RANBP2: variants seen among roughly 807,000 people sequenced by gnomAD.
RANBP2 encodes the protein E3 SUMO-protein ligase RanBP2.
In RANBP2, 57 loss-of-function variants were observed where a neutral mutation model predicts 303.6. That is an observed-to-expected ratio of 0.19 (90% CI 0.15 to 0.23). RANBP2 has a LOEUF of 0.23. Ranked by LOEUF, RANBP2 falls within the 10% of genes least tolerant of loss-of-function variation. The pLI is 1.00. For missense variants in RANBP2, 3,138 were observed against 3,780.8 expected, an observed-to-expected ratio of 0.83 and a Z score of 4.46; for synonymous variants, 1,167 against 1,301.5, an observed-to-expected ratio of 0.90 and a Z score of 2.23.
the RANBP2 span, among the ~76,000 whole-genome samples, chr2:109,027,242 C>CAAAA: frequency 6.1e-5 from 5 of 81,492 alleles, no homozygotes; most frequent in Non-Finnish European, 1.2e-4. Flanking sequence ...GGCTCTGTCT[C>CAAAA]AAAAAAAAAA....
chr2:109,396,507 G>A, the RANBP2 span, among the ~76,000 whole-genome samples: 1 of 152,226 alleles, frequency 6.6e-6, no homozygotes, highest in Non-Finnish European at 1.5e-5. Context: ...GAGCAGCCCT[G>A]TGATGGGGCC....
chr2:109,603,270 T>TGTC, the RANBP2 span, among the ~76,000 whole-genome samples: 6 of 151,980 alleles, frequency 3.9e-5, no homozygotes, highest in African/African-American at 1.2e-4. Context: ...AGTCTCACTG[T>TGTC]GTCACCCAGG....
intron 1 of RANBP2, among the ~76,000 whole-genome samples, chr2:108,720,372 C>T (rs1363596237): frequency 1.3e-5 from 2 of 150,390 alleles, no homozygotes; most frequent in African/African-American, 4.9e-5. Flanking sequence ...AAAAAAAATT[C>T]TAAAGTTCTT....
At chr2:109,606,672 C>CTTTTTTTTTTTTTT in the RANBP2 span, among the ~76,000 whole-genome samples, 2 of 71,910 alleles carry the variant, frequency 2.8e-5, no homozygotes, top group Non-Finnish European at 4.8e-5. Context: ...AAATTTTAAG[C>CTTTTTTTTTTTTTT]TTTTTTTTTT....
chr2:109,544,014 C>T, the RANBP2 span: 2 of 748,360 alleles, frequency 2.7e-6, no homozygotes, highest in Admixed American at 3.0e-5. Context: ...GCAAAGGTGT[C>T]GGGTGGGGAA....
chr2:109,335,728 A>C, the RANBP2 span, among the ~76,000 whole-genome samples: 2 of 152,208 alleles, frequency 1.3e-5, no homozygotes, highest in Non-Finnish European at 2.9e-5. Context: ...CCCACGCCAG[A>C]ACCGCACCCC....
the RANBP2 span, among the ~76,000 whole-genome samples, chr2:109,530,700 C>G: frequency 1.3e-5 from 2 of 152,178 alleles, no homozygotes; most frequent in South Asian, 4.1e-4. Flanking sequence ...CATCTAATAT[C>G]TTACACACTG....
chr2:109,251,852 A>ATAT, the RANBP2 span, among the ~76,000 whole-genome samples: 1 of 152,242 alleles, frequency 6.6e-6, no homozygotes, highest in African/African-American at 2.4e-5. Flanking sequence ...CCTTTAAAGT[A>ATAT]CATAATGAGT....
the RANBP2 span, among the ~76,000 whole-genome samples, chr2:109,658,081 A>G: frequency 3.3e-5 from 5 of 152,044 alleles, no homozygotes; most frequent in Admixed American, 6.6e-5. Flanking sequence ...TAACTTTGAA[A>G]TTAGGCTGCA....
the RANBP2 span, among the ~76,000 whole-genome samples, chr2:109,456,729 G>A: frequency 3.3e-5 from 5 of 152,330 alleles, no homozygotes; most frequent in South Asian, 1.0e-3. Flanking sequence ...GTACAAATGT[G>A]GACATGAAGT....
chr2:108,856,883 C>G, the RANBP2 span: 1 of 1,612,568 alleles, frequency 6.2e-7, no homozygotes, highest in Non-Finnish European at 8.5e-7. Flanking sequence ...TCAGGCTGTT[C>G]CAGTAATATT....
At chr2:109,497,623 G>A in the RANBP2 span, among the ~76,000 whole-genome samples, 8 of 152,142 alleles carry the variant, frequency 5.3e-5, no homozygotes, top group South Asian at 2.1e-4. Context: ...CGACAACGGC[G>A]CTCTGTGTCT....
chr2:108,930,220 C>A, the RANBP2 span: 1 of 1,614,080 alleles, frequency 6.2e-7, no homozygotes, highest in Non-Finnish European at 8.5e-7. Flanking sequence ...GTATTCCGCT[C>A]GGGCTGAGCA....
chr2:109,631,754 C>T, the RANBP2 span, among the ~76,000 whole-genome samples: 2 of 149,816 alleles, frequency 1.3e-5, no homozygotes, highest in Non-Finnish European at 3.0e-5. Flanking sequence ...GAAACTCAGT[C>T]TAAAAAAAAA....
At chr2:108,994,060 C>T in the RANBP2 span, among the ~76,000 whole-genome samples, 1 of 152,172 alleles carries the variant, frequency 6.6e-6, no homozygotes, top group Non-Finnish European at 1.5e-5. Flanking sequence ...AATACCATCA[C>T]CTAGGAGCTT....
At chr2:109,598,879 CAAAAAAAAATAAAAATA>C in the RANBP2 span, among the ~76,000 whole-genome samples, 3 of 144,328 alleles carry the variant, frequency 2.1e-5, no homozygotes, top group East Asian at 6.1e-4. Flanking sequence ...GACTAGGTCT[CAAAAAAAAATAAAAATA>C]AAAAAAAAAT....
chr2:109,722,709 C>T, the RANBP2 span, among the ~76,000 whole-genome samples: 1 of 152,148 alleles, frequency 6.6e-6, no homozygotes, highest in Non-Finnish European at 1.5e-5. Flanking sequence ...TGTTCAGCTC[C>T]CACTTATAAG....
the RANBP2 span, among the ~76,000 whole-genome samples, chr2:109,487,729 C>T: frequency 6.6e-6 from 1 of 152,172 alleles, no homozygotes; most frequent in Non-Finnish European, 1.5e-5. Context: ...GCCCAAGGTG[C>T]CCTGGGAGCA....
At chr2:108,953,111 A>C in the RANBP2 span, among the ~76,000 whole-genome samples, 71 of 152,362 alleles carry the variant, frequency 4.7e-4, no homozygotes, top group African/African-American at 1.6e-3. Flanking sequence ...CCATCCCCTC[A>C]AGCATTTATC....
Sources: allele counts gnomAD v4.1 joint callset (sites outside exome capture counted in the v4.1 genomes callset), GRCh38; gene constraint gnomAD v4.1.1; transcripts MANE v1.5; gene names NCBI Gene and HGNC (gene_info 2026-07-23, HGNC 2026-07-21).